The following RNF6 variants were observed in gnomAD, a reference collection of about 807,000 sequenced individuals.
The protein encoded by RNF6 is ring finger protein 6.
A neutral mutation model predicts 50.1 loss-of-function variants in RNF6; 21 were observed. That is an observed-to-expected ratio of 0.42 (90% CI 0.30 to 0.60). RNF6 has a LOEUF of 0.60. Ranked by LOEUF, RNF6 falls within the 20% of genes least tolerant of loss-of-function variation. The pLI is 0.20. For missense variants in RNF6, 698 were observed against 838.2 expected, an observed-to-expected ratio of 0.83 and a Z score of 2.07; for synonymous variants, 255 against 291.8, an observed-to-expected ratio of 0.87 and a Z score of 1.29.
chr13:26,132,215 T>C (rs1176581096), exon 6 of RNF6: 3 of 270,210 alleles, frequency 1.1e-5, no homozygotes, highest in African/African-American at 6.7e-5. Context: ...CCAAGTACAA[T>C]ATGAACAAGT....
At chr13:26,148,950 G>A (rs1054591583) in intron 5 of RNF6, among the ~76,000 whole-genome samples, 6 of 151,602 alleles carry the variant, frequency 4.0e-5, no homozygotes. Context: ...TCTTGCTCAG[G>A]GAATGGCCAG....
intron 5 of RNF6, among the ~76,000 whole-genome samples, chr13:26,147,200 G>C (rs1325561348): frequency 6.6e-6 from 1 of 152,094 alleles, no homozygotes; most frequent in Non-Finnish European, 1.5e-5. Flanking sequence ...GTGCATATTA[G>C]AAAATTCAAG....
chr13:26,138,569 A>C (rs755446089), intron 5 of RNF6, among the ~76,000 whole-genome samples: 2 of 152,184 alleles, frequency 1.3e-5, no homozygotes, highest in Non-Finnish European at 2.9e-5. Flanking sequence ...ATGATGAATA[A>C]AGATGTAATT....
chr13:26,171,525 A>T (rs1036874784), intron 5 of RNF6, among the ~76,000 whole-genome samples: 1 of 152,236 alleles, frequency 6.6e-6, no homozygotes, highest in Non-Finnish European at 1.5e-5. Flanking sequence ...TTATCATGTT[A>T]TCCATCAATT....
intron 5 of RNF6, among the ~76,000 whole-genome samples, chr13:26,154,488 A>G (rs1447021571): frequency 6.6e-6 from 1 of 152,218 alleles, no homozygotes; most frequent in East Asian, 1.9e-4. Flanking sequence ...AAAGAGTACC[A>G]TCTTTTATTT....
At chr13:26,201,782 G>T (rs1410476827) in intron 5 of RNF6, among the ~76,000 whole-genome samples, 1 of 152,138 alleles carries the variant, frequency 6.6e-6, no homozygotes, top group African/African-American at 2.4e-5. Flanking sequence ...GCAGACATGG[G>T]CTCAGATTCC....
chr13:26,166,895 G>C (rs1327094974), intron 5 of RNF6, among the ~76,000 whole-genome samples: 1 of 152,182 alleles, frequency 6.6e-6, no homozygotes, highest in Non-Finnish European at 1.5e-5. Flanking sequence ...ACTCCAGCCT[G>C]GGCGACAGAG....
upstream of RNF6, among the ~76,000 whole-genome samples, chr13:26,222,973 C>T (rs77030346): frequency 0.029 from 4,440 of 152,216 alleles, 140 homozygotes; most frequent in South Asian, 0.079. Context: ...AACATTCCTC[C>T]CTCTGATTTT....
chr13:26,146,097 C>T (rs1233660661), intron 5 of RNF6, among the ~76,000 whole-genome samples: 1 of 152,168 alleles, frequency 6.6e-6, no homozygotes, highest in Non-Finnish European at 1.5e-5. Flanking sequence ...GTCCAAAAGT[C>T]CCCAGGAAGG....
chr13:26,203,142 C>A (rs938192153), intron 5 of RNF6, among the ~76,000 whole-genome samples: 4 of 152,176 alleles, frequency 2.6e-5, no homozygotes, highest in African/African-American at 9.7e-5. Flanking sequence ...TGTACCTAAT[C>A]CCTGTTGTAA....
In RNF6 at chr13:26,213,949, G is replaced by A; in HGVS notation, c.1933C>T (p.Leu645Phe). The A allele has an allele frequency of 6.2e-7, 1 of 1,614,166 alleles. No individual in the cohort carries two copies. The highest frequency in any genetic ancestry group is 8.5e-7 in the Non-Finnish European group (1 of 1,180,010). Residue 645 changes from leucine (L) to phenylalanine (F), a missense_variant, in exon 5 of 5, where the codon CTC becomes TTC. By Grantham distance (22) the Leu-to-Phe change is conservative (BLOSUM62 0). Transcript: ENST00000381588. ...CISDYVTGNK[L>F]RQLPCMHEFH... ...TCATGCATGCAAGGTAATTGCCTGA[G>A]CTTGTTTCCAGTTACATAGTCACTA...
chr13:26,149,860 ATG>A (rs200739419), intron 5 of RNF6, among the ~76,000 whole-genome samples: 15,117 of 116,728 alleles, frequency 0.13, 2,106 homozygotes, highest in Admixed American at 0.18. Context: ...TGTATATATA[ATG>A]TGTGTGTGTA....
At chr13:26,219,240 G>T in intron 3 of RNF6, 1 of 451,092 alleles carries the variant, frequency 2.2e-6, no homozygotes, top group Non-Finnish European at 3.9e-6. Flanking sequence ...TTTGGCATTT[G>T]TATAATAGTG....
intron 5 of RNF6, among the ~76,000 whole-genome samples, chr13:26,168,517 A>G (rs1375423284): frequency 1.3e-5 from 2 of 152,192 alleles, no homozygotes; most frequent in Non-Finnish European, 2.9e-5. Flanking sequence ...TCCCAACTAC[A>G]TATGCTTTTC....
intron 5 of RNF6, among the ~76,000 whole-genome samples, chr13:26,164,475 C>A (rs1310872961): frequency 6.6e-6 from 1 of 152,092 alleles, no homozygotes; most frequent in Non-Finnish European, 1.5e-5. Context: ...ACCCCTGAGA[C>A]TTTTTAATAT....
chr13:26,137,497 A>G (rs538796067), intron 5 of RNF6, among the ~76,000 whole-genome samples: 1 of 152,182 alleles, frequency 6.6e-6, no homozygotes, highest in South Asian at 2.1e-4. Context: ...AATCAATAGA[A>G]ATTGTCTCAA....
chr13:26,165,428 C>T (rs547269344), intron 5 of RNF6, among the ~76,000 whole-genome samples: 166 of 152,286 alleles, frequency 1.1e-3, no homozygotes, highest in Middle Eastern at 3.4e-3. Context: ...GTCTCTACTG[C>T]GGCACTGCCT....
intron 5 of RNF6, among the ~76,000 whole-genome samples, chr13:26,176,936 A>G (rs1872983741): frequency 6.6e-6 from 1 of 152,200 alleles, no homozygotes; most frequent in African/African-American, 2.4e-5. Context: ...TCGGTCTCAA[A>G]AAAACAAACT....
At chr13:26,201,475 A>G (rs1868895664) in intron 5 of RNF6, among the ~76,000 whole-genome samples, 1 of 152,174 alleles carries the variant, frequency 6.6e-6, no homozygotes, top group Admixed American at 6.5e-5. Flanking sequence ...CGGAGGCAGA[A>G]GATAAATGGT....
Sources: allele counts gnomAD v4.1 joint callset (sites outside exome capture counted in the v4.1 genomes callset), GRCh38; gene constraint gnomAD v4.1.1; transcripts MANE v1.5; gene names NCBI Gene and HGNC (gene_info 2026-07-23, HGNC 2026-07-21).